Variants in MAP3K10 observed in about 807,000 individuals in gnomAD.
The protein encoded by MAP3K10 is MKN28 derived nonreceptor_type serine/threonine kinase.
In MAP3K10, 22 loss-of-function variants were observed where a neutral mutation model predicts 75.0. The ratio of observed to expected loss-of-function variants is 0.29; its 90% CI spans 0.21 to 0.42. MAP3K10 has a LOEUF of 0.42. Among genes scored for constraint, MAP3K10 ranks in the 10% least tolerant of loss-of-function variants. The pLI, the probability that MAP3K10 is intolerant of heterozygous loss-of-function variation, is 1.00. For synonymous variants in MAP3K10, 599 were observed against 612.9 expected, an observed-to-expected ratio of 0.98 and a Z score of 0.34; for missense variants, 1,165 against 1,379.8, an observed-to-expected ratio of 0.84 and a Z score of 2.47.
Position 40,213,562 on chromosome 19 carries a change from C to A in MAP3K10, c.1883C>A (p.Ser628Tyr), listed in dbSNP as rs768287551. The A allele has an allele frequency of 6.2e-7, 1 of 1,611,504 alleles. No homozygotes were observed. Among genetic ancestry groups the A allele is most frequent in the South Asian group, 1.1e-5 (1 of 90,978 alleles). ...AEDGGSSVPP[S>Y]PYSTPSYLSV... is the part of the protein sequence containing the mutation. ...GATGGAGGCAGCAGCGTGCCCCCTTCCCCCTACTCGACCCCGTCCTACCTC... is the reference window on the plus strand; with the variant it reads ...GATGGAGGCAGCAGCGTGCCCCCTTACCCCTACTCGACCCCGTCCTACCTC... Residue 628 changes from serine to tyrosine, a missense_variant, in exon 9 of 10, where the codon TCC becomes TAC. Transcript: ENST00000253055. This position sits in a 1 kb window ranked among gnomAD's most constrained non-coding sequence, Gnocchi z 5.7.
chr19:40,200,661 C>T (rs985028525), intron 2 of MAP3K10, among the ~76,000 whole-genome samples: 1 of 149,558 alleles, frequency 6.7e-6, no homozygotes, highest in African/African-American at 2.5e-5. Context: ...CTCTGCCGCC[C>T]AGGCTGGAGT....
At chr19:40,208,369 T>TTTTA (rs1973172539) in intron 5 of MAP3K10, among the ~76,000 whole-genome samples, 1 of 114,570 alleles carries the variant, frequency 8.7e-6, no homozygotes, top group Non-Finnish European at 1.8e-5. Context: ...TTTTTTTTTT[T>TTTTA]GTATTTTTAG....
Position 40,205,303 on chromosome 19 carries a change from G to A in MAP3K10, c.1188+7G>A, listed in dbSNP as rs13346024. On this transcript the variant is annotated splice_region_variant and intron_variant, in intron 4 of 9. Coordinates refer to ENST00000253055, the MANE Select transcript of MAP3K10 (RefSeq NM_002446.4). This position sits in a 1 kb window ranked among gnomAD's most constrained non-coding sequence, Gnocchi z 4.3. ...CCTTCGGACCAAGGAGAAGGTGAAG[G>A]CAGGGGGCAAGGTGGGAAAGATGGA... is the stretch of plus-strand genomic sequence containing the variant. 2,715 of 1,613,826 alleles carry A rather than the reference G, an allele frequency of 1.7e-3. 42 individuals are homozygous for A. In the African/African-American group the frequency reaches 0.029, roughly 17 times the overall value.
At chr19:40,210,157 C>T (rs907818250) in intron 6 of MAP3K10, among the ~76,000 whole-genome samples, 3 of 152,168 alleles carry the variant, frequency 2.0e-5, no homozygotes, top group Non-Finnish European at 2.9e-5. Flanking sequence ...GTCCCAGCTA[C>T]TCGGGAGGCT....
Position 40,212,905 on chromosome 19 carries a change from G to A in MAP3K10, c.1653G>A (p.Gly551=). ...GGPPKKEELV[G]GKKKGRTWGP... is the part of the protein sequence containing the mutation. ...CCCCAAAGAAGGAAGAACTGGTCGGGGGCAAGAAGAAGGGACGAACGTGGG... is the reference window on the plus strand; with the variant it reads ...CCCCAAAGAAGGAAGAACTGGTCGGAGGCAAGAAGAAGGGACGAACGTGGG... Residue 551 remains glycine (G), a synonymous_variant, in exon 7 of 10, where the codon GGG becomes GGA. Transcript: ENST00000253055. The surrounding 1 kb of genome is among the most constrained non-coding windows in gnomAD (Gnocchi z 4.2). 1 of 1,613,464 alleles carries A rather than the reference G, an allele frequency of 6.2e-7. No homozygotes were observed. Among genetic ancestry groups the A allele is most frequent in the Non-Finnish European group, 8.5e-7 (1 of 1,179,922 alleles).
rs1458883198 is a variant in MAP3K10, at chr19:40,209,160, C to T, written c.1493C>T (p.Ser498Phe). 3.7e-6 allele frequency: 6 copies of T among 1,614,230 alleles called. No individual in the cohort carries two copies. The highest frequency in any genetic ancestry group is 5.1e-6 in the Non-Finnish European group (6 of 1,180,028). Residue 498 changes from serine (S) to phenylalanine (F), a missense_variant, in exon 6 of 10, where the codon TCC (serine) becomes TTC (phenylalanine). This residue lies in a region of MAP3K10 where 575 missense variants were observed against 793.2 expected (regional missense o/e 0.72). Transcript: ENST00000253055. ...CCAACTCTGGATAAGCGGAAAGGAT[C>T]CGATGGGGCCAGCCCCCCTGCAAGC... Reference protein sequence around the residue: ...ASPTLDKRKGSDGASPPASPS... With the variant: ...ASPTLDKRKGFDGASPPASPS...
rs1973084080 is a variant in MAP3K10, at chr19:40,204,702, TC to T, written c.1012+73del. The stretch of plus-strand genomic sequence containing the variant: ...GCAGGGACCTGTGGGCCCAGACCTT[TC>T]CCCTTCACACCTATCCATACCAGTG... On this transcript the variant is annotated intron_variant, in intron 3 of 9. Coordinates refer to ENST00000253055, the MANE Select transcript of MAP3K10 (RefSeq NM_002446.4). The surrounding 1 kb of genome is among the most constrained non-coding windows in gnomAD (Gnocchi z 4.3). 1 of 1,552,502 alleles carries T rather than the reference TC, an allele frequency of 6.4e-7. No homozygotes were observed. The highest frequency in any genetic ancestry group is 1.8e-5 in the Admixed American group (1 of 56,954).
rs543062542 is a variant in MAP3K10 at position 40,215,224 on chromosome 19, G to A, written c.2797G>A (p.Asp933Asn). ...GPPSVQPTLL[D>N]MDMEGQNQDS... Reference sequence around the variant, plus strand: ...CCCCAGCGTGCAGCCCACACTGCTGGACATGGACATGGAGGGGCAGAACCA... The same window carrying A: ...CCCCAGCGTGCAGCCCACACTGCTGAACATGGACATGGAGGGGCAGAACCA... The change falls in exon 10 of 10, where the codon GAC becomes AAC. Residue 933 changes from aspartate (D) to asparagine (N), a missense_variant. Physicochemically the swap from Asp to Asn is conservative, Grantham distance 23. Around this residue, in one of 2 missense-constraint regions of MAP3K10, gnomAD observed 590 missense variants for 586.6 expected, o/e 1.01. Coordinates refer to ENST00000253055, the MANE Select transcript of MAP3K10 (RefSeq NM_002446.4). The A allele has an allele frequency of 6.4e-7, 1 of 1,564,878 alleles. No individual in the cohort carries two copies. The highest frequency in any genetic ancestry group is 8.7e-7 in the Non-Finnish European group (1 of 1,155,608).
intron 6 of MAP3K10, among the ~76,000 whole-genome samples, chr19:40,210,429 G>A (rs909940281): frequency 1.3e-5 from 2 of 152,174 alleles, no homozygotes; most frequent in South Asian, 2.1e-4. Flanking sequence ...GGCCCAGCAC[G>A]GCGGCTCACG....
rs1475521787 is a variant in MAP3K10, at chr19:40,192,457, G to C, written c.426G>C (p.Val142=). ...ACCCGGCAGTGACAGCGGAGCAGGT[G>C]TGCCAGGAAGCCCGGCTCTTTGGAG... The part of the protein sequence containing the change: ...EKDPAVTAEQ[V]CQEARLFGAL... The change falls in exon 1 of 10, where the codon GTG becomes GTC. Residue 142 remains valine (V), a synonymous_variant. Transcript: ENST00000253055. The surrounding 1 kb of genome is among the most constrained non-coding windows in gnomAD (Gnocchi z 7.1). 1.2e-6 allele frequency: 2 copies of C among 1,614,028 alleles called. No individual in the cohort carries two copies. The highest frequency in any genetic ancestry group is 1.7e-6 in the Non-Finnish European group (2 of 1,180,006).
chr19:40,194,659 C>T (rs969371161), intron 1 of MAP3K10, among the ~76,000 whole-genome samples: 5 of 152,202 alleles, frequency 3.3e-5, no homozygotes, highest in Non-Finnish European at 5.9e-5. Context: ...GAGGACACAG[C>T]GCCTCCACAG....
chr19:40,213,140 C>T lies in MAP3K10; in HGVS notation c.1789C>T (p.Pro597Ser), dbSNP rs560357013. The T allele has an allele frequency of 1.2e-6, 2 of 1,601,840 alleles. No individual in the cohort carries two copies. Among genetic ancestry groups the T allele is most frequent in the Admixed American group, 1.7e-5 (1 of 57,272 alleles). ...AAGTGCCCCCAACCTGGGCAAGTCC[C>T]CCAAACACACACCCATCGCCCCTGG... is the stretch of plus-strand genomic sequence containing the variant. Reference protein sequence around the residue: ...SSSAPNLGKSPKHTPIAPGFA... With the variant: ...SSSAPNLGKSSKHTPIAPGFA... Residue 597 changes from proline to serine, a missense_variant, in exon 8 of 10, where the codon CCC becomes TCC. By Grantham distance (74) the Pro-to-Ser change is moderately conservative (BLOSUM62 -1). This residue lies in a region of MAP3K10 where 590 missense variants were observed against 586.6 expected (regional missense o/e 1.01). Transcript: ENST00000253055. The surrounding 1 kb of genome is among the most constrained non-coding windows in gnomAD (Gnocchi z 5.7).
At chr19:40,208,039 T>C (rs943846149) in intron 5 of MAP3K10, among the ~76,000 whole-genome samples, 1 of 152,242 alleles carries the variant, frequency 6.6e-6, no homozygotes, top group African/African-American at 2.4e-5. Context: ...ATCAAAAATA[T>C]TGGATCTGTA....
chr19:40,202,928 A>G (rs1164427131), intron 2 of MAP3K10, among the ~76,000 whole-genome samples: 4 of 152,368 alleles, frequency 2.6e-5, no homozygotes, highest in East Asian at 3.9e-4. Context: ...GGCCAGCTCA[A>G]TTCACCAGCA....
rs147252553 is a variant in MAP3K10, at chr19:40,212,454, G to C, written c.1553-351G>C. On this transcript the variant is annotated intron_variant, in intron 6 of 9. Coordinates refer to ENST00000253055, the MANE Select transcript of MAP3K10 (RefSeq NM_002446.4). This position sits in a 1 kb window ranked among gnomAD's most constrained non-coding sequence, Gnocchi z 4.2. ...AGGTCCAGAGCATTGCAGGTACAGA[G>C]ATGAAGGCAGCTGACCCCCAGGGAA... 9.9e-3 allele frequency among the ~76,000 whole-genome samples: 1,501 copies of C among 152,182 alleles called. 25 individuals are homozygous for C. The highest frequency in any genetic ancestry group is 0.031 in the Admixed American group (463 of 15,154).
At chr19:40,193,642 G>A (rs1477016040) in intron 1 of MAP3K10, among the ~76,000 whole-genome samples, 5 of 152,100 alleles carry the variant, frequency 3.3e-5, no homozygotes, top group African/African-American at 1.2e-4. Flanking sequence ...CCAGAGTGCT[G>A]TGTGCCAGAC....
Position 40,198,371 on chromosome 19 carries a change from A to G in MAP3K10, c.683-4A>G, listed in dbSNP as rs1433215746. ...GGTGACCCACCTTTCTTCCCACCCC[A>G]CAGTCCTGATCCTGGAGGCCATCGA... On this transcript the variant is annotated splice_polypyrimidine_tract_variant and splice_region_variant and intron_variant, in intron 1 of 9. Transcript: ENST00000253055. The surrounding 1 kb of genome is among the most constrained non-coding windows in gnomAD (Gnocchi z 4.3). 1 of 1,609,840 alleles carries G rather than the reference A, an allele frequency of 6.2e-7. No homozygotes were observed. Among genetic ancestry groups the G allele is most frequent in the Non-Finnish European group, 8.5e-7 (1 of 1,177,618 alleles).
At chr19:40,214,277 C>A in intron 9 of MAP3K10, 56 bp downstream of exon 9, 2 of 1,361,750 alleles carry the variant, frequency 1.5e-6, no homozygotes, top group Non-Finnish European at 1.9e-6. Flanking sequence ...CCTCCTCTGC[C>A]AGGGTCGCAA....
rs369764384 is a variant in MAP3K10 at position 40,193,845 on chromosome 19, G to A, written c.682+1132G>A. On this transcript the variant is annotated intron_variant, in intron 1 of 9. Transcript: ENST00000253055. ...AGGCCAGCATGTCCCCGGCCCTCAC[G>A]TCACTCACAGTTAAGCCCCAAAATG... Among the ~76,000 whole-genome samples the A allele has an allele frequency of 6.2e-4, 94 of 152,258 alleles. 1 individual carries two copies. Among genetic ancestry groups the A allele is most frequent in the African/African-American group, 1.9e-3 (79 of 41,548 alleles).
Sources: gnomAD v4.1 joint callset for allele counts (sites outside exome capture counted in the v4.1 genomes callset) on GRCh38, gnomAD v4.1.1 for gene constraint, gnomAD v4.1.1 regional missense constraint, Gnocchi (gnomAD v3.1) non-coding constraint, MANE v1.5 for transcripts, NCBI Gene and HGNC (gene_info 2026-07-23, HGNC 2026-07-21) for gene names.